MAGEA3: variants seen among roughly 807,000 people sequenced by gnomAD.
MAGEA3 encodes the protein melanoma-associated antigen 3.
For missense variants in MAGEA3, 207 were observed against 239.1 expected (o/e 0.87, Z 0.89); for synonymous variants, 110 against 102.2 (o/e 1.08, Z -0.46).
At chrX:152,700,021 T>A (rs1175003476) in intron 1 of MAGEA3, among the ~76,000 whole-genome samples, 10 of 107,570 alleles carry the variant, frequency 9.3e-5, no homozygotes, top group Non-Finnish European at 7.7e-5. Flanking sequence ...GGAGTGGAGG[T>A]GAGGACCAAG....
intron 1 of MAGEA3, among the ~76,000 whole-genome samples, chrX:152,699,902 C>G (rs1194743510): frequency 9.6e-6 from 1 of 104,220 alleles, no homozygotes; most frequent in Non-Finnish European, 2.0e-5. Flanking sequence ...GCAGGGCTGT[C>G]AGCTGAGGTC....
rs1931760662 is a variant in MAGEA3 at position 152,701,484 on chromosome X, G to C, written c.652G>C (p.Glu218Gln). The change falls in exon 3 of 3, where the codon GAG becomes CAG. Residue 218 changes from glutamate to glutamine, a missense_variant. By Grantham distance (29) the Glu-to-Gln change is conservative. Coordinates refer to ENST00000370278, the MANE Select transcript of MAGEA3 (RefSeq NM_005362.4). Reference sequence around the variant, plus strand: ...CGCAAGAGAGGGCGACTGTGCCCCTGAGGAGAAAATCTGGGAGGAGCTGAG... The same window carrying C: ...CGCAAGAGAGGGCGACTGTGCCCCTCAGGAGAAAATCTGGGAGGAGCTGAG... ...IIAREGDCAP[E>Q]EKIWEELSVL... 1.7e-6 allele frequency: 2 copies of C among 1,208,867 alleles called. No individual in the cohort carries two copies.
chrX:152,700,585 G>T (rs1397182054), intron 1 of MAGEA3, 37 bp from the exon 2 acceptor site: 16 of 601,046 alleles, frequency 2.7e-5, no homozygotes, highest in South Asian at 2.5e-4. Flanking sequence ...GCGCTGGCCG[G>T]ATGTACCCTG....
At position 152,701,766 on chromosome X, in the gene MAGEA3, G is replaced by A. The variant is rs1466365767; in HGVS notation, c.934G>A (p.Gly312Arg). ...PPLHEWVLREGEE is the reference protein window; with the variant it reads ...PPLHEWVLREREE ...CCTGCATGAGTGGGTTTTGAGAGAG[G>A]GGGAAGAGTGAGTCTGAGCACGAGT... is the stretch of plus-strand genomic sequence containing the variant. Residue 312 changes from glycine to arginine, a missense_variant, in exon 3 of 3, where the codon GGG becomes AGG. Coordinates refer to ENST00000370278, the MANE Select transcript of MAGEA3 (RefSeq NM_005362.4). 5.8e-6 allele frequency: 7 copies of A among 1,205,892 alleles called. No homozygotes were observed. In the East Asian group the frequency reaches 1.8e-4, roughly 31 times the overall value.
Position 152,700,612 on chromosome X carries a change from C to T in MAGEA3, c.-131-10C>T, listed in dbSNP as rs1473587364. On this transcript the variant is annotated splice_polypyrimidine_tract_variant and intron_variant, in intron 1 of 2. Coordinates refer to ENST00000370278, the MANE Select transcript of MAGEA3 (RefSeq NM_005362.4). ...TGTACCCTGAGGTGCCCTCTCACTT[C>T]CTCCTTCAGGTTCTGAGGGGACAGG... 8 of 665,996 alleles carry T rather than the reference C, an allele frequency of 1.2e-5. No homozygotes were observed. The highest frequency in any genetic ancestry group is 2.0e-5 in the Non-Finnish European group (8 of 403,292). 54.9% of individuals were successfully genotyped at this position (665,996 alleles called of 1,213,427 possible). A position where few individuals can be genotyped will look rare whatever the true frequency, so the allele number is the denominator to read the frequency against.
At position 152,701,192 on chromosome X, in the gene MAGEA3, G is replaced by C; in HGVS notation, c.360G>C (p.Leu120=). The change falls in exon 3 of 3, where the codon CTG becomes CTC. Residue 120 remains leucine (L), a synonymous_variant. Transcript: ENST00000370278. ...SRKVAELVHF[L]LLKYRAREPV... The stretch of plus-strand genomic sequence containing the variant: ...AGGTGGCCGAGTTGGTTCATTTTCT[G>C]CTCCTCAAGTATCGAGCCAGGGAGC... The C allele has an allele frequency of 8.3e-7, 1 of 1,209,750 alleles. No homozygotes were observed. Among genetic ancestry groups the C allele is most frequent in the Non-Finnish European group, 1.1e-6 (1 of 894,123 alleles).
rs1180249933 is a variant in MAGEA3, at chrX:152,701,785, C to G, written c.*8C>G. 2 of 1,199,389 alleles carry G rather than the reference C, an allele frequency of 1.7e-6. No individual in the cohort carries two copies. The highest frequency in any genetic ancestry group is 2.2e-6 in the Non-Finnish European group (2 of 889,438). On this transcript the variant is annotated 3_prime_UTR_variant, in exon 3 of 3. Coordinates refer to ENST00000370278, the MANE Select transcript of MAGEA3 (RefSeq NM_005362.4). ...AGAGAGGGGGAAGAGTGAGTCTGAG[C>G]ACGAGTTGCAGCCAGGGCCAGTGGG...
rs1404779263 is a variant in MAGEA3 at position 152,701,842 on chromosome X, C to T, written c.*65C>T. ...TCTGGGCCAGTGCACCTTCCGGGGCCGCATCCCTTAGTTTCCACTGCCTCC... is the reference window on the plus strand; with the variant it reads ...TCTGGGCCAGTGCACCTTCCGGGGCTGCATCCCTTAGTTTCCACTGCCTCC... On this transcript the variant is annotated 3_prime_UTR_variant, in exon 3 of 3. Transcript: ENST00000370278. The T allele has an allele frequency of 7.1e-5, 77 of 1,091,830 alleles. No homozygotes were observed. The highest frequency in any genetic ancestry group is 8.3e-5 in the Non-Finnish European group (67 of 808,094). 90.0% of individuals were successfully genotyped at this position (1,091,830 alleles called of 1,213,427 possible).
Position 152,701,773 on chromosome X carries a change from A to C in MAGEA3, c.941A>C (p.Glu314Ala). The change falls in exon 3 of 3, where the codon GAG (glutamate) becomes GCG (alanine). Residue 314 changes from glutamate to alanine, a missense_variant. Physicochemically the swap from Glu to Ala is moderately radical, Grantham distance 107. Transcript: ENST00000370278. ...GAGTGGGTTTTGAGAGAGGGGGAAG[A>C]GTGAGTCTGAGCACGAGTTGCAGCC... ...LHEWVLREGE[E>A] 1 of 1,205,780 alleles carries C rather than the reference A, an allele frequency of 8.3e-7. No individual in the cohort carries two copies. Among genetic ancestry groups the C allele is most frequent in the Non-Finnish European group, 1.1e-6 (1 of 892,344 alleles).
Position 152,701,263 on chromosome X carries a change from A to T in MAGEA3, c.431A>T (p.Gln144Leu). 1 of 1,209,547 alleles carries T rather than the reference A, an allele frequency of 8.3e-7. No individual in the cohort carries two copies. Among genetic ancestry groups the T allele is most frequent in the Non-Finnish European group, 1.1e-6 (1 of 893,951 alleles). Residue 144 changes from glutamine to leucine, a missense_variant, in exon 3 of 3, where the codon CAG (glutamine) becomes CTG (leucine). Transcript: ENST00000370278. ...CTGGGGAGTGTCGTCGGAAATTGGC[A>T]GTATTTCTTTCCTGTGATCTTCAGC... ...EMLGSVVGNW[Q>L]YFFPVIFSKA... is the part of the protein sequence containing the mutation.
chrX:152,701,585 G>T lies in MAGEA3; in HGVS notation c.753G>T (p.Val251=). 3 of 1,210,430 alleles carry T rather than the reference G, an allele frequency of 2.5e-6. No homozygotes were observed. The Middle Eastern group carries it at 6.9e-4, about 278-fold the overall frequency. Reference sequence around the variant, plus strand: ...AGAAGCTGCTCACCCAACATTTCGTGCAGGAAAACTACCTGGAGTACCGGC... The same window carrying T: ...AGAAGCTGCTCACCCAACATTTCGTTCAGGAAAACTACCTGGAGTACCGGC... ...DPKKLLTQHF[V]QENYLEYRQV... The change falls in exon 3 of 3, where the codon GTG becomes GTT. Residue 251 remains valine (V), a synonymous_variant. Coordinates refer to ENST00000370278, the MANE Select transcript of MAGEA3 (RefSeq NM_005362.4).
chrX:152,701,180 G>A lies in MAGEA3; in HGVS notation c.348G>A (p.Leu116=). 1 of 1,209,788 alleles carries A rather than the reference G, an allele frequency of 8.3e-7. No individual in the cohort carries two copies. Among genetic ancestry groups the A allele is most frequent in the East Asian group, 3.0e-5 (1 of 33,782 alleles). The part of the protein sequence containing the change: ...QAALSRKVAE[L]VHFLLLKYRA... ...CACTCAGTAGGAAGGTGGCCGAGTT[G>A]GTTCATTTTCTGCTCCTCAAGTATC... The change falls in exon 3 of 3, where the codon TTG becomes TTA. Residue 116 remains leucine (L), a synonymous_variant. Transcript: ENST00000370278.
chrX:152,701,597 C>G lies in MAGEA3; in HGVS notation c.765C>G (p.Tyr255Ter). 1 of 1,210,372 alleles carries G rather than the reference C, an allele frequency of 8.3e-7. No homozygotes were observed. The highest frequency in any genetic ancestry group is 1.1e-6 in the Non-Finnish European group (1 of 894,517). ...CCCAACATTTCGTGCAGGAAAACTA[C>G]CTGGAGTACCGGCAGGTCCCCGGCA... ...LLTQHFVQEN[Y>*]LEYRQVPGSD... Residue 255 changes from tyrosine (Y) to a stop codon, truncating the protein, a stop_gained, in exon 3 of 3, where the codon TAC (tyrosine) becomes TAG (stop). Transcript: ENST00000370278. LOFTEE classifies it low-confidence loss of function (END_TRUNC).
In MAGEA3 at chrX:152,702,288, C is replaced by T. The variant is rs1931802691; in HGVS notation, c.*511C>T. 1.3e-5 allele frequency: 1 copy of T among 77,035 alleles called. No individual in the cohort carries two copies. The highest frequency in any genetic ancestry group is 6.4e-5 in the African/African-American group (1 of 15,556). The allele number at this position is 77,035 out of a possible 1,213,427, so 6.3% of individuals were successfully genotyped here. A position where few individuals can be genotyped will look rare whatever the true frequency, so the allele number is the denominator to read the frequency against. On this transcript the variant is annotated 3_prime_UTR_variant, in exon 3 of 3. Coordinates refer to ENST00000370278, the MANE Select transcript of MAGEA3 (RefSeq NM_005362.4). ...TAAACAAATATGCAAACCAGGATTT[C>T]CTTGACTTCTTTGAGAATGCAAGCG...
In MAGEA3 at chrX:152,702,258, A is replaced by C. The variant is rs1320011161; in HGVS notation, c.*481A>C. 1 of 85,445 alleles carries C rather than the reference A, an allele frequency of 1.2e-5. No homozygotes were observed. Among genetic ancestry groups the C allele is most frequent in the Non-Finnish European group, 2.4e-5 (1 of 42,145 alleles). The allele number at this position is 85,445 out of a possible 1,213,427, so 7.0% of individuals were successfully genotyped here. On this transcript the variant is annotated 3_prime_UTR_variant, in exon 3 of 3. Coordinates refer to ENST00000370278, the MANE Select transcript of MAGEA3 (RefSeq NM_005362.4). ...TGCCTTGTACCTCAATCTATTCTGTAAAATTAAACAAATATGCAAACCAGG... is the reference window on the plus strand; with the variant it reads ...TGCCTTGTACCTCAATCTATTCTGTCAAATTAAACAAATATGCAAACCAGG...
At position 152,702,102 on chromosome X, in the gene MAGEA3, T is replaced by C; in HGVS notation, c.*325T>C. 2 of 308,167 alleles carry C rather than the reference T, an allele frequency of 6.5e-6. No homozygotes were observed. The highest frequency in any genetic ancestry group is 5.3e-5 in the African/African-American group (2 of 38,038). The allele number at this position is 308,167 out of a possible 1,213,427, so 25.4% of individuals were successfully genotyped here. A position where few individuals can be genotyped will look rare whatever the true frequency, so the allele number is the denominator to read the frequency against. On this transcript the variant is annotated 3_prime_UTR_variant, in exon 3 of 3. Transcript: ENST00000370278. ...GTAAGAGTCTTGTTTTTTACTCAAA[T>C]TGGGAAATCCATTCCATTTTGTGAA...
chrX:152,701,408 C>A lies in MAGEA3; in HGVS notation c.576C>A (p.Asp192Glu), dbSNP rs1931755797. The A allele has an allele frequency of 8.3e-7, 1 of 1,210,239 alleles. No homozygotes were observed. The change falls in exon 3 of 3, where the codon GAC (aspartate) becomes GAA (glutamate). Residue 192 changes from aspartate (D) to glutamate (E), a missense_variant. By Grantham distance (45) the Asp-to-Glu change is conservative. Coordinates refer to ENST00000370278, the MANE Select transcript of MAGEA3 (RefSeq NM_005362.4). ...TCTCCTACGATGGCCTGCTGGGTGA[C>A]AATCAGATCATGCCCAAGGCAGGCC... Reference protein sequence around the residue: ...LGLSYDGLLGDNQIMPKAGLL... With the variant: ...LGLSYDGLLGENQIMPKAGLL...
chrX:152,701,864 C>T lies in MAGEA3; in HGVS notation c.*87C>T, dbSNP rs1931787809. The T allele has an allele frequency of 2.1e-6, 2 of 967,575 alleles. No homozygotes were observed. Among genetic ancestry groups the T allele is most frequent in the African/African-American group, 1.9e-5 (1 of 51,533 alleles). 79.7% of individuals were successfully genotyped at this position (967,575 alleles called of 1,213,427 possible). A position where few individuals can be genotyped will look rare whatever the true frequency, so the allele number is the denominator to read the frequency against. On this transcript the variant is annotated 3_prime_UTR_variant, in exon 3 of 3. Transcript: ENST00000370278. ...GGCCGCATCCCTTAGTTTCCACTGC[C>T]TCCTGTGACGTGAGGCCCATTCTTC... is the stretch of plus-strand genomic sequence containing the variant.
rs782233501 is a variant in MAGEA3 at position 152,701,338 on chromosome X, T to C, written c.506T>C (p.Val169Ala). ...QLVFGIELME[V>A]DPIGHLYIFA... is the part of the protein sequence containing the mutation. ...GTCTTTGGCATCGAGCTGATGGAAG[T>C]GGACCCCATCGGCCACTTGTACATC... The change falls in exon 3 of 3, where the codon GTG becomes GCG. Residue 169 changes from valine to alanine, a missense_variant. Val to Ala is a moderately conservative substitution (Grantham distance 64). Coordinates refer to ENST00000370278, the MANE Select transcript of MAGEA3 (RefSeq NM_005362.4). 8.3e-7 allele frequency: 1 copy of C among 1,208,719 alleles called. No individual in the cohort carries two copies. Among genetic ancestry groups the C allele is most frequent in the South Asian group, 1.8e-5 (1 of 56,721 alleles).
Sources: allele counts gnomAD v4.1 joint callset (sites outside exome capture counted in the v4.1 genomes callset), GRCh38; gene constraint gnomAD v4.1.1; transcripts MANE v1.5; gene names NCBI Gene and HGNC (gene_info 2026-07-23, HGNC 2026-07-21).